CTNNA3: variants seen among roughly 807,000 people sequenced by gnomAD.
CTNNA3 encodes catenin alpha 3.
Under a neutral mutation model 95.7 loss-of-function variants are expected in CTNNA3, and 76 were observed. The ratio of observed to expected loss-of-function variants is 0.79; its 90% confidence interval spans 0.66 to 0.96. The LOEUF (loss-of-function observed/expected upper bound fraction) is 0.96, where lower values mean the gene tolerates loss of function less well. Ranked by LOEUF, CTNNA3 falls within the 40% of genes least tolerant of loss-of-function variation. The probability of loss-of-function intolerance (pLI) is 0.00; values close to 1 mark genes in which losing one functional copy is unlikely to be tolerated. For synonymous variants in CTNNA3, 431 were observed against 374.4 expected, an observed-to-expected ratio of 1.15 and a Z score of -1.74; for missense variants, 1,191 against 1,089.8, an observed-to-expected ratio of 1.09 and a Z score of -1.31.
intron 7 of CTNNA3, among the ~76,000 whole-genome samples, chr10:66,861,591 G>T (rs1843930116): frequency 6.6e-6 from 1 of 152,066 alleles, no homozygotes; most frequent in Admixed American, 6.5e-5. Context: ...TGGATAGATG[G>T]ATACATATTG....
At chr10:66,479,717 G>A (rs187975541) in intron 11 of CTNNA3, among the ~76,000 whole-genome samples, 5 of 152,042 alleles carry the variant, frequency 3.3e-5, no homozygotes, top group East Asian at 1.9e-4. Flanking sequence ...ACAAGAGTAC[G>A]GAACCAAGGA....
At chr10:66,376,464 C>T (rs1055427814) in intron 12 of CTNNA3, among the ~76,000 whole-genome samples, 1 of 152,068 alleles carries the variant, frequency 6.6e-6, no homozygotes, top group African/African-American at 2.4e-5. Context: ...AATAGGTCAG[C>T]CCTGCTTCTT....
chr10:66,555,590 C>T (rs564348347), intron 10 of CTNNA3, among the ~76,000 whole-genome samples: 2 of 152,180 alleles, frequency 1.3e-5, no homozygotes, highest in South Asian at 4.1e-4. Flanking sequence ...TAGATCTTAG[C>T]CCAGGCCCGC....
intron 13 of CTNNA3, among the ~76,000 whole-genome samples, chr10:66,124,087 C>T (rs762022544): frequency 5.3e-5 from 8 of 152,168 alleles, no homozygotes; most frequent in African/African-American, 1.7e-4. Context: ...TCTTTTCTAT[C>T]GCATTGTCAG....
intron 7 of CTNNA3, among the ~76,000 whole-genome samples, chr10:66,952,441 G>A (rs1449636308): frequency 3.9e-5 from 6 of 152,148 alleles, no homozygotes; most frequent in East Asian, 1.9e-4. Flanking sequence ...TTTAAGCTAC[G>A]AAGGGCCTTG....
intron 3 of CTNNA3, among the ~76,000 whole-genome samples, chr10:67,579,902 T>C (rs1842318434): frequency 6.6e-6 from 1 of 152,222 alleles, no homozygotes; most frequent in African/African-American, 2.4e-5. Flanking sequence ...GATGGGGTTG[T>C]TTGATTTTTT....
chr10:67,128,911 A>G (rs1018566712), intron 7 of CTNNA3, among the ~76,000 whole-genome samples: 1 of 152,162 alleles, frequency 6.6e-6, no homozygotes, highest in Non-Finnish European at 1.5e-5. Context: ...TTTTCCTTCT[A>G]AACATAGAAA....
intron 4 of CTNNA3, among the ~76,000 whole-genome samples, chr10:67,537,590 G>A (rs1460707546): frequency 1.3e-5 from 2 of 152,130 alleles, no homozygotes; most frequent in African/African-American, 4.8e-5. Flanking sequence ...TAAAATGGTA[G>A]TGAAGGTGGT....
In CTNNA3 at chr10:65,920,628, A is replaced by C. The variant is rs761888151; in HGVS notation, c.2401-11T>G. On this transcript the variant is annotated splice_polypyrimidine_tract_variant and intron_variant, in intron 17 of 17. Coordinates refer to ENST00000433211, the MANE Select transcript of CTNNA3 (RefSeq NM_013266.4). ...TGTGACACTGTCCAACTGTAGGGAA[A>C]AAAGAGAAAAAAGAGCTATTATTCC... 2.2e-5 allele frequency: 35 copies of C among 1,599,158 alleles called. No individual in the cohort carries two copies. In the Admixed American group the frequency reaches 6.0e-4, roughly 27 times the overall value.
intron 1 of CTNNA3, among the ~76,000 whole-genome samples, chr10:67,705,414 G>A (rs557729918): frequency 2.0e-5 from 3 of 149,692 alleles, no homozygotes; most frequent in Non-Finnish European, 1.5e-5. Context: ...TTAAGAAAAT[G>A]TGGCACATAT....
At chr10:66,138,139 C>T (rs749878858) in intron 13 of CTNNA3, among the ~76,000 whole-genome samples, 1 of 151,930 alleles carries the variant, frequency 6.6e-6, no homozygotes, top group African/African-American at 2.4e-5. Flanking sequence ...ATAATAAACC[C>T]AAATATATGT....
At chr10:67,730,376 T>C (rs373827756) in intron 1 of CTNNA3, among the ~76,000 whole-genome samples, 12 of 152,132 alleles carry the variant, frequency 7.9e-5, no homozygotes, top group African/African-American at 2.9e-4. Flanking sequence ...CCCTACCATT[T>C]TTTTAGCCAG....
intron 9 of CTNNA3, among the ~76,000 whole-genome samples, chr10:66,670,394 T>C (rs1483951410): frequency 6.6e-6 from 1 of 152,174 alleles, no homozygotes; most frequent in Non-Finnish European, 1.5e-5. Flanking sequence ...CATGCTACCA[T>C]AGAACTGACA....
chr10:67,747,370 T>G (rs3132088), intron 1 of CTNNA3, among the ~76,000 whole-genome samples: 68,055 of 151,978 alleles, frequency 0.45, 19,028 homozygotes, highest in African/African-American at 0.8. Context: ...CTTGGCATCA[T>G]GTCAGTGACC....
At position 67,369,343 on chromosome 10, in the gene CTNNA3, A is replaced by T. The variant is rs374265272; in HGVS notation, c.580-149473T>A. 1.1e-4 allele frequency among the ~76,000 whole-genome samples: 16 copies of T among 152,294 alleles called. No individual in the cohort carries two copies. In the East Asian group the frequency reaches 1.3e-3, roughly 13 times the overall value. ...ATCCAGAAAAAATTAAATAAGATTG[A>T]ATCCATACCTCACATTATATCATTA... On this transcript the variant is annotated intron_variant, in intron 5 of 17. Coordinates refer to ENST00000433211, the MANE Select transcript of CTNNA3 (RefSeq NM_013266.4).
At chr10:66,059,064 G>A (rs2080142621) in intron 15 of CTNNA3, among the ~76,000 whole-genome samples, 1 of 129,354 alleles carries the variant, frequency 7.7e-6, no homozygotes, top group South Asian at 2.7e-4. Flanking sequence ...GACAAATGAT[G>A]TCTATTAACA....
At chr10:66,680,131 G>A (rs1004604256) in intron 9 of CTNNA3, among the ~76,000 whole-genome samples, 1 of 151,944 alleles carries the variant, frequency 6.6e-6, no homozygotes, top group African/African-American at 2.4e-5. Flanking sequence ...CTGAGTAGCT[G>A]GGACTACAAG....
chr10:66,465,451 A>G (rs1287107703), intron 11 of CTNNA3, among the ~76,000 whole-genome samples: 3 of 152,162 alleles, frequency 2.0e-5, no homozygotes, highest in Non-Finnish European at 4.4e-5. Flanking sequence ...TAAAATTTCT[A>G]TATCACATTA....
intron 1 of CTNNA3, among the ~76,000 whole-genome samples, chr10:67,741,304 TATA>T (rs1197711507): frequency 1.9e-5 from 2 of 103,338 alleles, no homozygotes; most frequent in Non-Finnish European, 4.2e-5. Context: ...AAACTTAAAG[TATA>T]ATAATAAAAA....
Sources: gnomAD v4.1 joint callset for allele counts (sites outside exome capture counted in the v4.1 genomes callset) on GRCh38, gnomAD v4.1.1 for gene constraint, MANE v1.5 for transcripts, NCBI Gene and HGNC (gene_info 2026-07-23, HGNC 2026-07-21) for gene names.